Variants in AQR observed in about 807,000 individuals in gnomAD.
AQR encodes aquarius intron-binding spliceosomal factor, also known as RNA helicase aquarius.
In AQR, 61 loss-of-function variants were observed where a neutral mutation model predicts 180.5. The observed-to-expected ratio is 0.34, with a 90% CI of 0.28 to 0.42. The LOEUF (loss-of-function observed/expected upper bound fraction) is 0.42. Among genes scored for constraint, AQR ranks in the 10% least tolerant of loss-of-function variants. AQR has a pLI of 1.00. For missense variants in AQR, 1,281 were observed against 1,798.3 expected, an observed-to-expected ratio of 0.71 and a Z score of 5.20; for synonymous variants, 551 against 588.8, an observed-to-expected ratio of 0.94 and a Z score of 0.93.
chr15:34,898,685 C>A (rs950040816), intron 20 of AQR, among the ~76,000 whole-genome samples: 1 of 151,844 alleles, frequency 6.6e-6, no homozygotes, highest in Non-Finnish European at 1.5e-5. Context: ...GAGATCGAGA[C>A]CATCCTGGCT....
intron 6 of AQR, among the ~76,000 whole-genome samples, chr15:34,942,464 G>C (rs1211557808): frequency 6.6e-6 from 1 of 152,124 alleles, no homozygotes; most frequent in Non-Finnish European, 1.5e-5. Flanking sequence ...CCTTTTTGTG[G>C]TCTATTGAGT....
chr15:34,897,995 T>C (rs1180526341), intron 20 of AQR, among the ~76,000 whole-genome samples: 2 of 152,240 alleles, frequency 1.3e-5, no homozygotes, highest in African/African-American at 4.8e-5. Flanking sequence ...TCATTGTCTG[T>C]CCTTCATTTA....
In AQR at chr15:34,969,627, C is replaced by A. The variant is rs2050333237; in HGVS notation, c.-14G>T. 1 of 1,612,132 alleles carries A rather than the reference C, an allele frequency of 6.2e-7. No homozygotes were observed. Among genetic ancestry groups the A allele is most frequent in the South Asian group, 1.1e-5 (1 of 91,046 alleles). ...AGGGGCTGCCATGGCAGCACTCTTC[C>A]CTCCACTCCAGTGGAAACTAAAGGA... On this transcript the variant is annotated 5_prime_UTR_variant, in exon 1 of 35. Transcript: ENST00000156471.
At chr15:34,903,235 TTAGAAAATGA>T (rs1249921341) in intron 19 of AQR, among the ~76,000 whole-genome samples, 1 of 152,004 alleles carries the variant, frequency 6.6e-6, no homozygotes, top group Non-Finnish European at 1.5e-5. Context: ...GGAAAAAGTG[TTAGAAAATGA>T]TGTTGGAGAG....
rs1224449012 is a variant in AQR, at chr15:34,915,020, T to C, written c.1484+18A>G. 3.8e-6 allele frequency: 6 copies of C among 1,591,022 alleles called. No homozygotes were observed. The highest frequency in any genetic ancestry group is 1.9e-5 in the Admixed American group (1 of 54,000). On this transcript the variant is annotated intron_variant, in intron 16 of 34. Transcript: ENST00000156471. ...ACTGTTTGCATCTCTTCATTACAGGTGGAACCAATTTACTAACCATGGCTT... is the reference window on the plus strand; with the variant it reads ...ACTGTTTGCATCTCTTCATTACAGGCGGAACCAATTTACTAACCATGGCTT...
At position 34,872,519 on chromosome 15, in the gene AQR, CA is replaced by C. The variant is rs1454568205; in HGVS notation, c.3597+1308del. On this transcript the variant is annotated intron_variant, in intron 30 of 34. Coordinates refer to ENST00000156471, the MANE Select transcript of AQR (RefSeq NM_014691.3). ...TGAAACTGACTCAAAGAAGAAATTCCAAAAAACCAATATGTAATGAAAACAT... is the reference window on the plus strand; with the variant it reads ...TGAAACTGACTCAAAGAAGAAATTCCAAAAACCAATATGTAATGAAAACAT... 3.3e-5 allele frequency among the ~76,000 whole-genome samples: 5 copies of C among 151,980 alleles called. No homozygotes were observed. In the East Asian group the frequency reaches 9.7e-4, roughly 29 times the overall value.
chr15:34,891,488 C>T (rs753578310), intron 23 of AQR, among the ~76,000 whole-genome samples: 1 of 152,110 alleles, frequency 6.6e-6, no homozygotes, highest in Non-Finnish European at 1.5e-5. Context: ...ATTCGATGGG[C>T]ATCAAGGGAA....
At chr15:34,868,272 A>C (rs1019714756) in intron 31 of AQR, 2 of 152,260 alleles carry the variant, frequency 1.3e-5, no homozygotes, top group African/African-American at 2.4e-5. Flanking sequence ...TGGAGGTTGC[A>C]GTGAGTTGAG....
At position 34,907,012 on chromosome 15, in the gene AQR, G is replaced by A. The variant is rs571638804; in HGVS notation, c.1664-300C>T. On this transcript the variant is annotated intron_variant, in intron 17 of 34. Coordinates refer to ENST00000156471, the MANE Select transcript of AQR (RefSeq NM_014691.3). ...GCTACAGCTCCAAAATTGGATGTTC[G>A]TCATCATTCTTATTTTTAACAATCT... Among the ~76,000 whole-genome samples the A allele has an allele frequency of 1.2e-4, 18 of 152,168 alleles. No homozygotes were observed. The South Asian group carries it at 2.9e-3, about 25-fold the overall frequency.
At chr15:34,967,452 A>C (rs772884193) in intron 1 of AQR, among the ~76,000 whole-genome samples, 1 of 152,226 alleles carries the variant, frequency 6.6e-6, no homozygotes, top group Non-Finnish European at 1.5e-5. Context: ...TCCATGACAG[A>C]AGTAAACTAA....
At chr15:34,894,616 T>A (rs1893202277) in intron 22 of AQR, among the ~76,000 whole-genome samples, 1 of 152,166 alleles carries the variant, frequency 6.6e-6, no homozygotes, top group Non-Finnish European at 1.5e-5. Context: ...CCTCTAGAGT[T>A]CTTTAAAATA....
chr15:34,900,468 T>A (rs889209427), intron 20 of AQR, among the ~76,000 whole-genome samples, 154 bp downstream of exon 20: 1 of 152,220 alleles, frequency 6.6e-6, no homozygotes, highest in Admixed American at 6.5e-5. Context: ...TCAAATATAA[T>A]AAAGTTATCC....
At chr15:34,924,293 C>A (rs1893724148) in intron 13 of AQR, among the ~76,000 whole-genome samples, 1 of 152,180 alleles carries the variant, frequency 6.6e-6, no homozygotes, top group African/African-American at 2.4e-5. Flanking sequence ...AGAAGGAGAT[C>A]TGCAAATCTG....
chr15:34,915,684 G>A (rs1022118310), intron 15 of AQR, among the ~76,000 whole-genome samples: 4 of 151,804 alleles, frequency 2.6e-5, no homozygotes, highest in East Asian at 2.0e-4. Flanking sequence ...GGTGGCTCAC[G>A]CCTGTAATCC....
At chr15:34,940,146 A>G (rs187928595) in intron 8 of AQR, among the ~76,000 whole-genome samples, 1 of 152,364 alleles carries the variant, frequency 6.6e-6, no homozygotes, top group Admixed American at 6.5e-5. Flanking sequence ...GGACTTAGGA[A>G]AGAAATGCTA....
chr15:34,920,364 TTG>T lies in AQR; in HGVS notation c.1187_1188del (p.Thr396AsnfsTer3). The T allele has an allele frequency of 2.5e-6, 4 of 1,613,112 alleles. No homozygotes were observed. Among genetic ancestry groups the T allele is most frequent in the Non-Finnish European group, 3.4e-6 (4 of 1,179,460 alleles). ...TCTAGAAGAAATTCTTTATCAAAAG[TTG>T]TGTCTTCATTTTTAGGAAGAGTTGG... ...LLPTLPKNEDTTFDKEFLLEL... is the reference protein window; with the variant it reads ...LLPTLPKNEDXTFDKEFLLEL... On this transcript the variant is annotated frameshift_variant, in exon 14 of 35. Transcript: ENST00000156471. LOFTEE classifies it high-confidence loss of function.
chr15:34,898,655 C>A (rs945529899), intron 20 of AQR, among the ~76,000 whole-genome samples: 3 of 150,988 alleles, frequency 2.0e-5, no homozygotes, highest in Non-Finnish European at 4.4e-5. Context: ...GAGGCCGAGG[C>A]GGGTGAATCA....
chr15:34,888,559 T>C (rs1285506921), intron 24 of AQR, among the ~76,000 whole-genome samples: 1 of 151,794 alleles, frequency 6.6e-6, no homozygotes, highest in Non-Finnish European at 1.5e-5. Flanking sequence ...CAGCCAGGCT[T>C]GGTGGTGGGT....
intron 10 of AQR, among the ~76,000 whole-genome samples, chr15:34,933,323 C>T (rs1243301861): frequency 6.6e-6 from 1 of 152,186 alleles, no homozygotes; most frequent in African/African-American, 2.4e-5. Context: ...AACCACCTTA[C>T]TTCTCCAGAC....
Sources: allele counts gnomAD v4.1 joint callset (sites outside exome capture counted in the v4.1 genomes callset), GRCh38; gene constraint gnomAD v4.1.1; transcripts MANE v1.5; gene names NCBI Gene and HGNC (gene_info 2026-07-23, HGNC 2026-07-21).